NUDT5: variants seen among roughly 807,000 people sequenced by gnomAD.
The protein encoded by NUDT5 is nudix hydrolase 5.
A neutral mutation model predicts 34.1 loss-of-function variants in NUDT5; 21 were observed. The observed-to-expected ratio is 0.62, with a 90% CI of 0.44 to 0.89. The LOEUF is 0.89. NUDT5 is among the 40% of genes least tolerant of loss of function. The pLI is 0.00. For synonymous variants in NUDT5, 85 were observed against 97.6 expected (o/e 0.87, Z 0.76); for missense variants, 249 against 274.8 (o/e 0.91, Z 0.66).
In NUDT5 at chr10:12,182,330, A is replaced by G. The variant is rs1229970634; in HGVS notation, c.131+2559T>C. ...GATTTTGCAGCATTTTGAATTTCAG[A>G]TTTTCAGATTAGGGCTGCTCAACCT... On this transcript the variant is annotated intron_variant, in intron 3 of 9. Coordinates refer to ENST00000491614, the MANE Select transcript of NUDT5 (RefSeq NM_014142.4). This position sits in a 1 kb window ranked among gnomAD's most constrained non-coding sequence, Gnocchi z 4.3. Among the ~76,000 whole-genome samples, 1 of 152,086 alleles carries G rather than the reference A, an allele frequency of 6.6e-6. No homozygotes were observed. Among genetic ancestry groups the G allele is most frequent in the Non-Finnish European group, 1.5e-5 (1 of 68,020 alleles).
intron 1 of NUDT5, among the ~76,000 whole-genome samples, chr10:12,191,246 T>C (rs1247700452): frequency 6.6e-6 from 1 of 151,980 alleles, no homozygotes; most frequent in Non-Finnish European, 1.5e-5. Flanking sequence ...TAGCCAGGCT[T>C]GGTGGTGGGC....
At chr10:12,185,723 G>C (rs1196521874) in intron 2 of NUDT5, among the ~76,000 whole-genome samples, 1 of 152,240 alleles carries the variant, frequency 6.6e-6, no homozygotes, top group Admixed American at 6.5e-5. Context: ...CAAGATCAGA[G>C]ATCCAAGATG....
intron 1 of NUDT5, among the ~76,000 whole-genome samples, chr10:12,193,023 T>G (rs1835262112): frequency 6.6e-6 from 1 of 151,682 alleles, no homozygotes; most frequent in Non-Finnish European, 1.5e-5. Context: ...TGCTACTTGG[T>G]GATCTCCAGG....
At chr10:12,195,179 C>T (rs1446864292) in intron 1 of NUDT5, among the ~76,000 whole-genome samples, 1 of 152,098 alleles carries the variant, frequency 6.6e-6, no homozygotes, top group Admixed American at 6.6e-5. Flanking sequence ...ATAAAAGCAG[C>T]TAGTTACTTC....
chr10:12,195,499 C>T (rs896164242), intron 1 of NUDT5, among the ~76,000 whole-genome samples: 3 of 152,220 alleles, frequency 2.0e-5, no homozygotes, highest in African/African-American at 7.2e-5. Context: ...CATTCTACTC[C>T]TCTGCAGATG....
chr10:12,194,859 GT>G (rs1382579314), intron 1 of NUDT5, among the ~76,000 whole-genome samples: 3 of 150,212 alleles, frequency 2.0e-5, no homozygotes, highest in Non-Finnish European at 4.4e-5. Flanking sequence ...ACGACTAGGG[GT>G]TAAAAGCGGC....
intron 7 of NUDT5, 133 bp downstream of exon 7, chr10:12,172,632 T>C: frequency 1.6e-6 from 1 of 641,446 alleles, no homozygotes; most frequent in South Asian, 1.9e-5. Flanking sequence ...GAGACAAGAA[T>C]ACTGATGAAG....
chr10:12,188,107 C>G (rs1161274135), intron 1 of NUDT5, among the ~76,000 whole-genome samples: 6 of 152,116 alleles, frequency 3.9e-5, no homozygotes. Context: ...CCACTGCACT[C>G]TTACGTTCCA....
chr10:12,180,947 C>G (rs1318546424), intron 3 of NUDT5, among the ~76,000 whole-genome samples: 2 of 152,180 alleles, frequency 1.3e-5, no homozygotes, highest in Non-Finnish European at 2.9e-5. Context: ...AGACACAACA[C>G]TACTGGAATA....
At chr10:12,167,881 G>A in intron 9 of NUDT5, 70 bp from the exon 10 acceptor site, 1 of 1,597,572 alleles carries the variant, frequency 6.3e-7, no homozygotes, top group Non-Finnish European at 8.5e-7. Flanking sequence ...TTCAATCAGT[G>A]TTTGCGCAGC....
chr10:12,179,520 T>A (rs1835011719), intron 3 of NUDT5, among the ~76,000 whole-genome samples: 1 of 152,252 alleles, frequency 6.6e-6, no homozygotes, highest in Admixed American at 6.5e-5. Flanking sequence ...ACCCCGTCTC[T>A]AGGAACAAAA....
chr10:12,170,615 T>TA lies in NUDT5; in HGVS notation c.550+101dup, dbSNP rs1206679110. 2.0e-5 allele frequency: 22 copies of TA among 1,121,440 alleles called. No individual in the cohort carries two copies. The African/African-American group carries it at 3.1e-4, about 16-fold the overall frequency. 69.5% of individuals were successfully genotyped at this position (1,121,440 alleles called of 1,614,324 possible). A position where few individuals can be genotyped will look rare whatever the true frequency, so the allele number is the denominator to read the frequency against. On this transcript the variant is annotated intron_variant, in intron 9 of 9. Transcript: ENST00000491614. This position sits in a 1 kb window ranked among gnomAD's most constrained non-coding sequence, Gnocchi z 4.9. ...GTTGCTAGGCATTTGACTTTAGTGA[T>TA]ACAAAAAAGATAAAGAAATGGAGTT...
Position 12,182,548 on chromosome 10 carries a change from T to C in NUDT5, c.131+2341A>G, listed in dbSNP as rs1835059008. 6.6e-6 allele frequency among the ~76,000 whole-genome samples: 1 copy of C among 152,142 alleles called. No homozygotes were observed. The highest frequency in any genetic ancestry group is 2.1e-4 in the South Asian group (1 of 4,822). ...TGGAAGAATGGACATGACCATGCTATAAATATGGTAGTTTGGTGGATTTTA... is the reference window on the plus strand; with the variant it reads ...TGGAAGAATGGACATGACCATGCTACAAATATGGTAGTTTGGTGGATTTTA... On this transcript the variant is annotated intron_variant, in intron 3 of 9. Transcript: ENST00000491614. This position sits in a 1 kb window ranked among gnomAD's most constrained non-coding sequence, Gnocchi z 4.3.
chr10:12,194,237 G>A (rs555360199), intron 1 of NUDT5, among the ~76,000 whole-genome samples: 2 of 152,232 alleles, frequency 1.3e-5, no homozygotes, highest in African/African-American at 2.4e-5. Flanking sequence ...ATGTTCCCGG[G>A]ATCTATTCTC....
At chr10:12,172,732 A>T (rs1323127740) in intron 7 of NUDT5, 33 bp downstream of exon 7, 3 of 1,481,156 alleles carry the variant, frequency 2.0e-6, no homozygotes, top group East Asian at 2.3e-5. Context: ...TAATGCAACC[A>T]CACCACCTTC....
rs756542267 is a variant in NUDT5 at position 12,172,573 on chromosome 10, GATGA to G, written c.487+188_487+191del. On this transcript the variant is annotated intron_variant, in intron 7 of 9. Transcript: ENST00000491614. ...CATTTTTTTACAAAGAAAGCGTAAA[GATGA>G]ATGAAGTGGCAAAAGAAAAATGCTA... 3.1e-4 allele frequency: 184 copies of G among 597,016 alleles called. 1 individual carries two copies. Among genetic ancestry groups the G allele is most frequent in the Non-Finnish European group, 4.7e-4 (157 of 331,848 alleles). The allele number at this position is 597,016 out of a possible 1,614,324, so 37.0% of individuals were successfully genotyped here. A position where few individuals can be genotyped will look rare whatever the true frequency, so the allele number is the denominator to read the frequency against.
intron 5 of NUDT5, among the ~76,000 whole-genome samples, chr10:12,174,117 C>G (rs1439457218): frequency 1.3e-5 from 2 of 152,138 alleles, no homozygotes; most frequent in Non-Finnish European, 2.9e-5. Context: ...CCACCCACGT[C>G]AGCCTCCCAA....
rs949853409 is a variant in NUDT5, at chr10:12,168,507, T to C, written c.551-696A>G. Among the ~76,000 whole-genome samples, 1 of 152,182 alleles carries C rather than the reference T, an allele frequency of 6.6e-6. No homozygotes were observed. The highest frequency in any genetic ancestry group is 1.5e-5 in the Non-Finnish European group (1 of 68,042). On this transcript the variant is annotated intron_variant, in intron 9 of 9. Transcript: ENST00000491614. The surrounding 1 kb of genome is among the most constrained non-coding windows in gnomAD (Gnocchi z 4.8). ...CATATGTTCCCCCGGCAAGTTAAAC[T>C]GTGTGCATGTTAGGACTGGAGATCT... is the stretch of plus-strand genomic sequence containing the variant.
At chr10:12,177,325 C>G (rs983163169) in intron 5 of NUDT5, among the ~76,000 whole-genome samples, 2 of 152,112 alleles carry the variant, frequency 1.3e-5, no homozygotes, top group Admixed American at 6.6e-5. Context: ...CGAGACCATC[C>G]TGGCCAACAC....
Sources: gnomAD v4.1 joint callset for allele counts (sites outside exome capture counted in the v4.1 genomes callset) on GRCh38, gnomAD v4.1.1 for gene constraint, Gnocchi (gnomAD v3.1) non-coding constraint, MANE v1.5 for transcripts, NCBI Gene and HGNC (gene_info 2026-07-23, HGNC 2026-07-21) for gene names.